The following ZNF723 variants were observed in gnomAD, a reference collection of about 807,000 sequenced individuals.
The protein encoded by ZNF723 is zinc finger protein 723, pseudogene.
In ZNF723, 5 loss-of-function variants were observed where a neutral mutation model predicts 9.4. The ratio of observed to expected loss-of-function variants is 0.53; its 90% confidence interval spans 0.28 to 1.12. The LOEUF (loss-of-function observed/expected upper bound fraction) is 1.12. ZNF723 is among the 50% of genes most tolerant of loss of function. ZNF723 has a pLI of 0.10. For synonymous variants in ZNF723, 158 were observed against 168.8 expected, an observed-to-expected ratio of 0.94 and a Z score of 0.49; for missense variants, 450 against 501.5, an observed-to-expected ratio of 0.90 and a Z score of 0.98.
intron 1 of ZNF723, among the ~76,000 whole-genome samples, chr19:22,838,368 A>G (rs572491232): frequency 1.3e-4 from 20 of 152,010 alleles, no homozygotes; most frequent in Non-Finnish European, 2.5e-4. Context: ...CCTGACCAAC[A>G]TGGTGAAACC....
intron 1 of ZNF723, among the ~76,000 whole-genome samples, chr19:22,845,772 T>A (rs1462341658): frequency 6.6e-6 from 1 of 152,076 alleles, no homozygotes; most frequent in Non-Finnish European, 1.5e-5. Context: ...TGGTAGCAGG[T>A]AAACAGGTGG....
chr19:22,813,770 C>T, the ZNF723 span, among the ~76,000 whole-genome samples: 1 of 151,790 alleles, frequency 6.6e-6, no homozygotes, highest in Non-Finnish European at 1.5e-5. Context: ...AAAAAACTGA[C>T]TATCATATGT....
the ZNF723 span, among the ~76,000 whole-genome samples, chr19:22,812,813 C>T: frequency 6.6e-6 from 1 of 152,096 alleles, no homozygotes; most frequent in Non-Finnish European, 1.5e-5. Context: ...ATGCTCAGAC[C>T]AATATTCAGC....
chr19:22,857,047 G>A (rs1477189478), intron 3 of ZNF723, 71 bp from the exon 4 acceptor site: 1 of 615,796 alleles, frequency 1.6e-6, no homozygotes, highest in African/African-American at 1.9e-5. Context: ...TAATTTTATA[G>A]CTTAGATTTG....
At chr19:22,817,718 C>T in the ZNF723 span, among the ~76,000 whole-genome samples, 235 of 152,224 alleles carry the variant, frequency 1.5e-3, 3 homozygotes, top group East Asian at 0.038. Flanking sequence ...ATGATTGATA[C>T]GTTGAATTAG....
chr19:22,837,307 GAAAA>G (rs902549844), intron 1 of ZNF723, among the ~76,000 whole-genome samples: 3 of 150,052 alleles, frequency 2.0e-5, no homozygotes, highest in Admixed American at 6.6e-5. Flanking sequence ...AAAGAAAAAA[GAAAA>G]GAAAGAAAGA....
At chr19:22,828,432 A>T (rs1372513362), upstream of ZNF723, among the ~76,000 whole-genome samples, 2 of 152,154 alleles carry the variant, frequency 1.3e-5, no homozygotes, top group East Asian at 3.9e-4. Flanking sequence ...GGGCGGGCAG[A>T]TCACAAGGTC....
chr19:22,818,112 T>C, the ZNF723 span, among the ~76,000 whole-genome samples: 1 of 152,170 alleles, frequency 6.6e-6, no homozygotes, highest in African/African-American at 2.4e-5. Flanking sequence ...ACCCAGTTAC[T>C]TGGAGAGATG....
At chr19:22,848,467 T>A in intron 2 of ZNF723, 80 bp downstream of exon 2, 2 of 1,090,086 alleles carry the variant, frequency 1.8e-6, no homozygotes, top group Non-Finnish European at 2.7e-6. Context: ...TTTTGGTAAT[T>A]GATGCTTTGC....
At chr19:22,852,089 A>G (rs1301137967) in intron 3 of ZNF723, among the ~76,000 whole-genome samples, 2 of 152,258 alleles carry the variant, frequency 1.3e-5, no homozygotes, top group East Asian at 1.9e-4. Context: ...GCGCCCAGCT[A>G]GAATTTTTTT....
chr19:22,854,431 T>G (rs1967443525), intron 3 of ZNF723, among the ~76,000 whole-genome samples: 1 of 152,168 alleles, frequency 6.6e-6, no homozygotes, highest in Non-Finnish European at 1.5e-5. Flanking sequence ...GGATTTTGGG[T>G]TTTAAGATTT....
intron 1 of ZNF723, among the ~76,000 whole-genome samples, chr19:22,837,547 C>G (rs1489983712): frequency 6.6e-6 from 1 of 152,108 alleles, no homozygotes; most frequent in African/African-American, 2.4e-5. Flanking sequence ...AAACTCTGGG[C>G]GTGTGGGAAG....
intron 3 of ZNF723, among the ~76,000 whole-genome samples, chr19:22,854,394 C>T (rs561671876): frequency 6.6e-4 from 100 of 150,716 alleles, no homozygotes; most frequent in African/African-American, 2.3e-3. Context: ...CATTAAATCT[C>T]AGCTGACTCT....
At chr19:22,819,673 A>G in the ZNF723 span, among the ~76,000 whole-genome samples, 3 of 152,212 alleles carry the variant, frequency 2.0e-5, no homozygotes, top group South Asian at 2.1e-4. Flanking sequence ...GCATTGCAAC[A>G]TATCTCTTGG....
chr19:22,843,953 CAG>C (rs1054339309), intron 1 of ZNF723, among the ~76,000 whole-genome samples: 9 of 152,136 alleles, frequency 5.9e-5, no homozygotes, highest in Non-Finnish European at 2.9e-5. Context: ...GCCAGTGGCA[CAG>C]AGAACAGAAT....
upstream of ZNF723, among the ~76,000 whole-genome samples, chr19:22,828,204 A>T (rs1434339984): frequency 6.6e-6 from 1 of 152,228 alleles, no homozygotes. Context: ...CCTGACAGAA[A>T]CTCAAAGACA....
chr19:22,851,375 T>C (rs762692486), intron 3 of ZNF723, among the ~76,000 whole-genome samples: 5 of 152,096 alleles, frequency 3.3e-5, no homozygotes, highest in Non-Finnish European at 1.5e-5. Context: ...TTTCAGCATG[T>C]TGGTGAGGCT....
chr19:22,834,838 A>G (rs1294947286), intron 1 of ZNF723, among the ~76,000 whole-genome samples: 2 of 152,156 alleles, frequency 1.3e-5, no homozygotes, highest in African/African-American at 4.8e-5. Context: ...AAAAAAAAAT[A>G]GTATCCCCAA....
the ZNF723 span, among the ~76,000 whole-genome samples, chr19:22,826,112 A>T: frequency 6.6e-6 from 1 of 152,178 alleles, no homozygotes; most frequent in Non-Finnish European, 1.5e-5. Context: ...GCATCCAGGT[A>T]ATCTGATTCT....
Sources: allele counts gnomAD v4.1 joint callset (sites outside exome capture counted in the v4.1 genomes callset), GRCh38; gene constraint gnomAD v4.1.1; transcripts MANE v1.5; gene names NCBI Gene and HGNC (gene_info 2026-07-23, HGNC 2026-07-21).